Variants in SLC29A4 observed in about 807,000 individuals in gnomAD.
The protein encoded by SLC29A4 is solute carrier family 29 member 4, also known as equilibrative nucleoside transporter 4.
In SLC29A4, 36 loss-of-function variants were observed where a neutral mutation model predicts 43.9. That is an observed-to-expected ratio of 0.82 (90% CI 0.63 to 1.08). The LOEUF (loss-of-function observed/expected upper bound fraction) is 1.08. SLC29A4 is among the 50% of genes least tolerant of loss of function. The probability of loss-of-function intolerance (pLI) is 0.00; values close to 1 mark genes in which losing one functional copy is unlikely to be tolerated. For missense variants in SLC29A4, 869 were observed against 755.3 expected (o/e 1.15, Z -1.77); for synonymous variants, 491 against 338.0 (o/e 1.45, Z -4.97).
Position 5,283,248 on chromosome 7 carries a change from G to A in SLC29A4, c.-9+166G>A, listed in dbSNP as rs1334197556. 4.7e-5 allele frequency among the ~76,000 whole-genome samples: 7 copies of A among 147,420 alleles called. No individual in the cohort carries two copies. In the Admixed American group the frequency reaches 4.8e-4, roughly 10 times the overall value. Reference sequence around the variant, plus strand: ...CCCGAGGCCACCCCGGCCGCGTCCTGAGCGGCCCAGCCCCCCGCGCCCGGC... The same window carrying A: ...CCCGAGGCCACCCCGGCCGCGTCCTAAGCGGCCCAGCCCCCCGCGCCCGGC... On this transcript the variant is annotated intron_variant, in intron 1 of 10. Coordinates refer to ENST00000396872, the MANE Select transcript of SLC29A4 (RefSeq NM_153247.4).
rs556976855 is a variant in SLC29A4, at chr7:5,287,753, C to T, written c.-8-56C>T. The T allele has an allele frequency of 3.8e-4, 587 of 1,557,218 alleles. 1 individual carries two copies. The highest frequency in any genetic ancestry group is 2.5e-3 in the South Asian group (212 of 86,358). ...GAAGCTTTATGGGTCAGTGCATGAGCCATGGATCCCTCAGCCTTCTTCCCT... is the reference window on the plus strand; with the variant it reads ...GAAGCTTTATGGGTCAGTGCATGAGTCATGGATCCCTCAGCCTTCTTCCCT... On this transcript the variant is annotated intron_variant, in intron 1 of 10. Transcript: ENST00000396872.
At chr7:5,298,699 C>G (rs1354760735) in intron 7 of SLC29A4, among the ~76,000 whole-genome samples, 1 of 152,122 alleles carries the variant, frequency 6.6e-6, no homozygotes, top group African/African-American at 2.4e-5. Flanking sequence ...ACTTGGGAGG[C>G]TGAGGTGGGA....
intron 10 of SLC29A4, among the ~76,000 whole-genome samples, chr7:5,302,229 G>C (rs1786220770): frequency 6.6e-6 from 1 of 152,146 alleles, no homozygotes; most frequent in Non-Finnish European, 1.5e-5. Flanking sequence ...GGGATTATAG[G>C]TGTCAGCCAC....
At chr7:5,301,717 C>A (rs948545847) in intron 10 of SLC29A4, among the ~76,000 whole-genome samples, 1 of 152,086 alleles carries the variant, frequency 6.6e-6, no homozygotes, top group South Asian at 2.1e-4. Flanking sequence ...CTTGTTTGGA[C>A]GGCAGCCCAC....
rs1321609113 is a variant in SLC29A4 at position 5,306,151 on chromosome 7, C to G, written c.*3212C>G. On this transcript the variant is annotated 3_prime_UTR_variant, in exon 11 of 11. Coordinates refer to ENST00000396872, the MANE Select transcript of SLC29A4 (RefSeq NM_153247.4). ...GGCGTGAGCCACCGTGCCCATCCAA[C>G]TTAACTTTTAATTTTTTCTCATGTA... is the stretch of plus-strand genomic sequence containing the variant. The G allele has an allele frequency of 6.9e-6, 1 of 145,746 alleles. No homozygotes were observed. The highest frequency in any genetic ancestry group is 1.5e-5 in the Non-Finnish European group (1 of 66,496). The allele number at this position is 145,746 out of a possible 1,614,324, so 9.0% of individuals were successfully genotyped here.
chr7:5,287,172 C>G lies in SLC29A4; in HGVS notation c.-8-637C>G, dbSNP rs1454431930. On this transcript the variant is annotated intron_variant, in intron 1 of 10. Coordinates refer to ENST00000396872, the MANE Select transcript of SLC29A4 (RefSeq NM_153247.4). ...GTGGCTCAGTGGCTTACGCCTGTAA[C>G]CCCCGCACTTTGGGAGGCCGAGGCA... 3.9e-5 allele frequency among the ~76,000 whole-genome samples: 6 copies of G among 152,186 alleles called. No homozygotes were observed. The East Asian group carries it at 1.2e-3, about 29-fold the overall frequency.
intron 4 of SLC29A4, 86 bp downstream of exon 4, chr7:5,291,323 C>G: frequency 8.0e-7 from 1 of 1,257,752 alleles, no homozygotes; most frequent in South Asian, 1.3e-5. Context: ...TTCCCTGAGC[C>G]TCACTCCCCT....
At chr7:5,298,226 C>T (rs1562452816) in intron 7 of SLC29A4, among the ~76,000 whole-genome samples, 1 of 152,122 alleles carries the variant, frequency 6.6e-6, no homozygotes, top group Non-Finnish European at 1.5e-5. Context: ...GAGAGGGGCC[C>T]AGGATGGAAG....
chr7:5,283,401 C>G (rs1479326252), intron 1 of SLC29A4, among the ~76,000 whole-genome samples: 1 of 151,956 alleles, frequency 6.6e-6, no homozygotes, highest in East Asian at 1.9e-4. Flanking sequence ...CACCCCATCG[C>G]TCCCCTGCCC....
intron 10 of SLC29A4, among the ~76,000 whole-genome samples, chr7:5,301,615 G>A (rs563082972): frequency 7.2e-5 from 11 of 152,342 alleles, no homozygotes; most frequent in African/African-American, 2.4e-4. Flanking sequence ...ATGGAGGTGA[G>A]TGAGGAGCTA....
intron 5 of SLC29A4, among the ~76,000 whole-genome samples, chr7:5,292,408 C>T (rs1247433921): frequency 6.6e-6 from 1 of 152,152 alleles, no homozygotes; most frequent in Non-Finnish European, 1.5e-5. Flanking sequence ...GCCATCGTGC[C>T]TGGCCTTTCA....
intron 1 of SLC29A4, among the ~76,000 whole-genome samples, chr7:5,285,120 T>C (rs1415040366): frequency 6.6e-6 from 1 of 152,210 alleles, no homozygotes; most frequent in Non-Finnish European, 1.5e-5. Flanking sequence ...AAGCCTTTGC[T>C]GACTCTCTGG....
chr7:5,300,656 C>G lies in SLC29A4; in HGVS notation c.1444C>G (p.Leu482Val). The G allele has an allele frequency of 5.0e-6, 8 of 1,607,884 alleles. No homozygotes were observed. The highest frequency in any genetic ancestry group is 6.8e-6 in the Non-Finnish European group (8 of 1,178,746). ...AGKVSPKQRE[L>V]AGNTMTVSYM... is the part of the protein sequence containing the mutation. The stretch of plus-strand genomic sequence containing the variant: ...CAAAGTGAGCCCCAAGCAGCGGGAG[C>G]TGGCAGGTGAGGCCCGCGGGACGTG... Residue 482 changes from leucine to valine, a missense_variant, in exon 10 of 11, where the codon CTG becomes GTG. Physicochemically the swap from Leu to Val is conservative, Grantham distance 32. Transcript: ENST00000396872.
intron 1 of SLC29A4, among the ~76,000 whole-genome samples, chr7:5,284,117 G>T (rs1427897729): frequency 6.6e-6 from 1 of 150,530 alleles, no homozygotes; most frequent in Non-Finnish European, 1.5e-5. Flanking sequence ...CAGAAGCAGT[G>T]GCTCACTCCT....
In SLC29A4 at chr7:5,296,878, C is replaced by T. The variant is rs1399097347; in HGVS notation, c.620-58C>T. 9.3e-6 allele frequency: 12 copies of T among 1,292,838 alleles called. No homozygotes were observed. In the Admixed American group the frequency reaches 1.4e-4, roughly 16 times the overall value. The allele number at this position is 1,292,838 out of a possible 1,614,324, so 80.1% of individuals were successfully genotyped here. A position where few individuals can be genotyped will look rare whatever the true frequency, so the allele number is the denominator to read the frequency against. On this transcript the variant is annotated intron_variant, in intron 6 of 10. Transcript: ENST00000396872. ...GTGTGTGGACGGGGCTGGGGCGGGA[C>T]GGGGCGGTGCAGGGAGCTGGGCGGA...
intron 5 of SLC29A4, among the ~76,000 whole-genome samples, chr7:5,294,166 C>T (rs1785492393): frequency 1.3e-5 from 2 of 152,044 alleles, no homozygotes; most frequent in Admixed American, 6.6e-5. Context: ...GTCTTGAACT[C>T]CTAGACTCAA....
In SLC29A4 at chr7:5,290,780, C is replaced by T. The variant is rs1468505354; in HGVS notation, c.218C>T (p.Ala73Val). The T allele has an allele frequency of 4.3e-6, 7 of 1,613,900 alleles. No individual in the cohort carries two copies. Among genetic ancestry groups the T allele is most frequent in the Admixed American group, 1.7e-5 (1 of 59,990 alleles). ...GACCGTTATCACGCCATCTACTTTG[C>T]GATGCTGCTGGCTGGCGTGGGCTTC... ...PDDRYHAIYF[A>V]MLLAGVGFLL... The change falls in exon 3 of 11, where the codon GCG becomes GTG. Residue 73 changes from alanine (A) to valine (V), a missense_variant. Coordinates refer to ENST00000396872, the MANE Select transcript of SLC29A4 (RefSeq NM_153247.4).
At chr7:5,298,842 G>C in intron 7 of SLC29A4, 146 bp from the exon 8 acceptor site, 4 of 806,220 alleles carry the variant, frequency 5.0e-6, no homozygotes, top group South Asian at 3.6e-5. Flanking sequence ...TTGATAAAGT[G>C]GAGGAGGGGT....
In SLC29A4 at chr7:5,295,058, C is replaced by A. The variant is rs191966018; in HGVS notation, c.619+124C>A. Reference sequence around the variant, plus strand: ...GGGAGGCTCACAATCCCTGGGCAGACTGAGCTAGGGACAGTGATCACCATC... The same window carrying A: ...GGGAGGCTCACAATCCCTGGGCAGAATGAGCTAGGGACAGTGATCACCATC... On this transcript the variant is annotated intron_variant, in intron 6 of 10. Transcript: ENST00000396872. 1.1e-4 allele frequency: 96 copies of A among 850,302 alleles called. 1 individual carries two copies. In the East Asian group the frequency reaches 1.9e-3, roughly 17 times the overall value. 52.7% of individuals were successfully genotyped at this position (850,302 alleles called of 1,614,324 possible).
Sources: gnomAD v4.1 joint callset for allele counts (sites outside exome capture counted in the v4.1 genomes callset) on GRCh38, gnomAD v4.1.1 for gene constraint, MANE v1.5 for transcripts, NCBI Gene and HGNC (gene_info 2026-07-23, HGNC 2026-07-21) for gene names.